REPS2: variants seen among roughly 807,000 people sequenced by gnomAD.
REPS2 encodes RALBP1 associated Eps domain containing 2.
Under a neutral mutation model 53.6 loss-of-function variants are expected in REPS2, and 23 were observed. The ratio of observed to expected loss-of-function variants is 0.43; its 90% confidence interval spans 0.31 to 0.61. REPS2 has a LOEUF of 0.61. REPS2 is among the 20% of genes least tolerant of loss of function. The pLI is 0.11. For synonymous variants in REPS2, 238 were observed against 218.6 expected (o/e 1.09, Z -0.78); for missense variants, 446 against 534.9 (o/e 0.83, Z 1.64).
chrX:17,007,475 AGT>A (rs2061376492), intron 2 of REPS2, among the ~76,000 whole-genome samples: 1 of 112,180 alleles, frequency 8.9e-6, no homozygotes, highest in Non-Finnish European at 1.9e-5. Flanking sequence ...TCCACTTTGC[AGT>A]GGGTCAGGGT....
intron 3 of REPS2, among the ~76,000 whole-genome samples, chrX:17,024,569 AAAAG>A (rs978015190): frequency 2.7e-5 from 3 of 109,520 alleles, no homozygotes; most frequent in Non-Finnish European, 5.7e-5. Context: ...GTTAAAAAAA[AAAAG>A]CTAGCATTTT....
chrX:17,011,070 TGTG>T (rs2061423408), intron 2 of REPS2, among the ~76,000 whole-genome samples: 2 of 8,391 alleles, frequency 2.4e-4, no homozygotes, highest in Non-Finnish European at 5.0e-4. Context: ...TGTGTGTGTG[TGTG>T]TGTGTGTGTG....
chrX:16,968,872 G>A (rs1213909639), intron 1 of REPS2, among the ~76,000 whole-genome samples: 2 of 107,453 alleles, frequency 1.9e-5, no homozygotes, highest in South Asian at 8.2e-4. Flanking sequence ...GGGCGGAGAC[G>A]TTCCTCACTT....
At chrX:17,077,236 T>C in intron 12 of REPS2, 35 bp from the exon 13 acceptor site, 1 of 1,141,403 alleles carries the variant, frequency 8.8e-7, no homozygotes, top group South Asian at 2.2e-5. Context: ...AAAGCTTTGC[T>C]ATTTCGCTTC....
intron 13 of REPS2, among the ~76,000 whole-genome samples, chrX:17,087,310 C>T (rs772546710): frequency 2.7e-5 from 3 of 111,874 alleles, no homozygotes; most frequent in Admixed American, 9.5e-5. Context: ...GAACTGAACC[C>T]GAAGCCATGT....
At chrX:17,029,501 C>T in intron 4 of REPS2, 25 bp from the exon 5 acceptor site, 1 of 1,079,058 alleles carries the variant, frequency 9.3e-7, no homozygotes, top group Non-Finnish European at 1.3e-6. Flanking sequence ...GCATACCATA[C>T]TGACTTTCCT....
At chrX:16,971,889 A>C (rs2060899931) in intron 1 of REPS2, among the ~76,000 whole-genome samples, 1 of 112,362 alleles carries the variant, frequency 8.9e-6, no homozygotes, top group South Asian at 3.7e-4. Flanking sequence ...TGATTTGTTT[A>C]ATCTATTTTT....
intron 8 of REPS2, among the ~76,000 whole-genome samples, chrX:17,058,090 C>T (rs2062099162): frequency 8.9e-6 from 1 of 111,799 alleles, no homozygotes; most frequent in African/African-American, 3.3e-5. Context: ...ACCTGTGGGA[C>T]ATGCCATGAC....
At chrX:17,175,272 G>A in the REPS2 span, among the ~76,000 whole-genome samples, 2 of 112,327 alleles carry the variant, frequency 1.8e-5, no homozygotes, top group African/African-American at 6.5e-5. Flanking sequence ...AGGCCTACTA[G>A]GTGTCAGGCA....
chrX:17,180,755 A>G, the REPS2 span, among the ~76,000 whole-genome samples: 1 of 111,402 alleles, frequency 9.0e-6, no homozygotes, highest in Non-Finnish European at 1.9e-5. Context: ...AGTAACCTCC[A>G]CACAGATGAT....
intron 1 of REPS2, 136 bp downstream of exon 1, chrX:16,947,270 C>T (rs927817252): frequency 5.8e-5 from 50 of 867,979 alleles, no homozygotes; most frequent in South Asian, 2.2e-4. Context: ...ACTCTGCAGC[C>T]GGGGATGGCG....
At chrX:17,043,003 C>T (rs2061853847) in intron 5 of REPS2, among the ~76,000 whole-genome samples, 1 of 110,904 alleles carries the variant, frequency 9.0e-6, no homozygotes, top group Non-Finnish European at 1.9e-5. Flanking sequence ...TGCCATGTTG[C>T]CCAGGCTGGT....
At chrX:16,987,862 G>T (rs899378133) in intron 1 of REPS2, among the ~76,000 whole-genome samples, 4 of 111,778 alleles carry the variant, frequency 3.6e-5, no homozygotes, top group Non-Finnish European at 7.5e-5. Flanking sequence ...TATCTTTGAG[G>T]TTCTACCTGG....
At chrX:17,119,962 C>T (rs759901638) in intron 14 of REPS2, among the ~76,000 whole-genome samples, 1 of 106,071 alleles carries the variant, frequency 9.4e-6, no homozygotes, top group Non-Finnish European at 1.9e-5. Context: ...CTGCAACCTC[C>T]GCCTCCCAGG....
Position 16,954,934 on chromosome X carries a change from T to C in REPS2, c.273+7800T>C, listed in dbSNP as rs1807761351. Among the ~76,000 whole-genome samples, 3 of 105,753 alleles carry C rather than the reference T, an allele frequency of 2.8e-5. No homozygotes were observed. In the South Asian group the frequency reaches 1.3e-3, roughly 47 times the overall value. The allele number at this position is 105,753 out of a possible 115,157, so 91.8% of individuals were successfully genotyped here. A position where few individuals can be genotyped will look rare whatever the true frequency, so the allele number is the denominator to read the frequency against. On this transcript the variant is annotated intron_variant, in intron 1 of 17. Transcript: ENST00000357277. ...CAAGCAGTTCTCCCTGCCTCAGCCT[T>C]CTGAGTAGCTGGGACTACAGGCGCC...
intron 1 of REPS2, among the ~76,000 whole-genome samples, chrX:16,970,225 C>T (rs1462134840): frequency 9.6e-6 from 1 of 103,786 alleles, no homozygotes; most frequent in Non-Finnish European, 2.0e-5. Context: ...AAGACGGAAT[C>T]TCCCTCTGTC....
intron 13 of REPS2, among the ~76,000 whole-genome samples, chrX:17,098,426 G>C (rs2062737551): frequency 9.0e-6 from 1 of 111,650 alleles, no homozygotes; most frequent in African/African-American, 3.3e-5. Context: ...GACAAAAACT[G>C]AGAGTGTGGT....
At chrX:16,971,236 A>G (rs1346455798) in intron 1 of REPS2, among the ~76,000 whole-genome samples, 1 of 112,182 alleles carries the variant, frequency 8.9e-6, no homozygotes, top group Non-Finnish European at 1.9e-5. Flanking sequence ...AATTTCCCTG[A>G]TGACTAATAA....
chrX:16,967,146 G>C (rs930186726), intron 1 of REPS2, among the ~76,000 whole-genome samples: 1 of 112,184 alleles, frequency 8.9e-6, no homozygotes, highest in Non-Finnish European at 1.9e-5. Flanking sequence ...AACATAAAAA[G>C]AATAATTTGT....
Sources: allele counts gnomAD v4.1 joint callset (sites outside exome capture counted in the v4.1 genomes callset), GRCh38; gene constraint gnomAD v4.1.1; transcripts MANE v1.5; gene names NCBI Gene and HGNC (gene_info 2026-07-23, HGNC 2026-07-21).